RSF1: variants seen among roughly 807,000 people sequenced by gnomAD.
RSF1 encodes the protein HBV pX-associated protein 8.
RSF1 carries 13 observed loss-of-function variants against 145.2 expected under a neutral mutation model. The observed-to-expected ratio is 0.09, with a 90% CI of 0.06 to 0.14. The LOEUF is 0.14. RSF1 is among the 10% of genes least tolerant of loss of function. The pLI is 1.00. For missense variants in RSF1, 1,517 were observed against 1,718.2 expected, an observed-to-expected ratio of 0.88 and a Z score of 2.07; for synonymous variants, 577 against 592.6, an observed-to-expected ratio of 0.97 and a Z score of 0.38.
chr11:77,691,993 C>T (rs539747165), intron 8 of RSF1, among the ~76,000 whole-genome samples: 30 of 152,220 alleles, frequency 2.0e-4, no homozygotes, highest in African/African-American at 2.6e-4. Flanking sequence ...CAGGTTCAAG[C>T]GATTCTGGTG....
intron 15 of RSF1, among the ~76,000 whole-genome samples, chr11:77,671,349 A>G (rs1208483917): frequency 6.6e-6 from 1 of 150,892 alleles, no homozygotes; most frequent in Admixed American, 6.6e-5. Flanking sequence ...TCCAACTGAA[A>G]TCATAGTCAA....
At position 77,698,705 on chromosome 11, in the gene RSF1, TA is replaced by T. The variant is rs747054563; in HGVS notation, c.2509-13del. On this transcript the variant is annotated splice_polypyrimidine_tract_variant and intron_variant, in intron 6 of 15. Coordinates refer to ENST00000308488, the MANE Select transcript of RSF1 (RefSeq NM_016578.4). ...CCTTTGGGTTTTACCTTGTATAAAATAAAAAAAATTGGGATAATTTGATATA... is the reference window on the plus strand; with the variant it reads ...CCTTTGGGTTTTACCTTGTATAAAATAAAAAAATTGGGATAATTTGATATA... 1.2e-5 allele frequency: 20 copies of T among 1,605,172 alleles called. No homozygotes were observed. The highest frequency in any genetic ancestry group is 1.6e-5 in the Non-Finnish European group (19 of 1,173,580).
intron 4 of RSF1, among the ~76,000 whole-genome samples, chr11:77,732,622 G>T (rs1249616894): frequency 6.6e-6 from 1 of 152,170 alleles, no homozygotes; most frequent in African/African-American, 2.4e-5. Flanking sequence ...TTCATTTCCT[G>T]TGAGTGAATG....
intron 1 of RSF1, among the ~76,000 whole-genome samples, chr11:77,808,572 C>T (rs1328477469): frequency 8.2e-5 from 6 of 72,866 alleles, no homozygotes; most frequent in African/African-American, 2.3e-4. Flanking sequence ...CTCGCTCTGT[C>T]GCCCAGGCTG....
chr11:77,857,952 CCA>C, the RSF1 span, among the ~76,000 whole-genome samples: 2 of 152,098 alleles, frequency 1.3e-5, no homozygotes, highest in Non-Finnish European at 2.9e-5. Context: ...ACATTGGCCC[CCA>C]AAGTGCTGGG....
At chr11:77,674,914 G>A (rs938471429) in intron 14 of RSF1, 122 bp downstream of exon 14, 14 of 700,592 alleles carry the variant, frequency 2.0e-5, no homozygotes, top group Admixed American at 6.4e-5. Context: ...TAGGAGAATC[G>A]CTTGAACCCG....
intron 13 of RSF1, among the ~76,000 whole-genome samples, chr11:77,676,084 A>T (rs988338996): frequency 6.6e-6 from 1 of 152,178 alleles, no homozygotes; most frequent in Non-Finnish European, 1.5e-5. Flanking sequence ...TGTCTTGGAC[A>T]TGTGACTTCT....
the RSF1 span, among the ~76,000 whole-genome samples, chr11:77,858,302 C>CTTTTTTTT: frequency 2.3e-3 from 157 of 69,340 alleles, 2 homozygotes; most frequent in Admixed American, 3.1e-3. Context: ...TTAAGCAATT[C>CTTTTTTTT]TTTTTTTTTT....
At chr11:77,797,102 T>A (rs917501979) in intron 1 of RSF1, among the ~76,000 whole-genome samples, 1 of 152,228 alleles carries the variant, frequency 6.6e-6, no homozygotes, top group African/African-American at 2.4e-5. Context: ...ATTTATAGAT[T>A]CAATGCTATC....
At chr11:77,832,587 A>G in the RSF1 span, among the ~76,000 whole-genome samples, 1 of 151,910 alleles carries the variant, frequency 6.6e-6, no homozygotes, top group African/African-American at 2.4e-5. Flanking sequence ...CAGCCTCCCA[A>G]AGTACTGGGA....
the RSF1 span, among the ~76,000 whole-genome samples, chr11:77,860,425 C>T: frequency 6.6e-6 from 1 of 152,190 alleles, no homozygotes; most frequent in African/African-American, 2.4e-5. Context: ...GGCCCTGGTG[C>T]CTTAGGATAA....
chr11:77,765,888 C>CCCAAGTAG (rs1948220310), intron 1 of RSF1, among the ~76,000 whole-genome samples: 1 of 152,162 alleles, frequency 6.6e-6, no homozygotes, highest in Non-Finnish European at 1.5e-5. Context: ...GCTGGAATTA[C>CCCAAGTAG]AGGTGCCCAC....
the RSF1 span, among the ~76,000 whole-genome samples, chr11:77,827,853 G>GT: frequency 6.6e-6 from 1 of 152,172 alleles, no homozygotes; most frequent in Non-Finnish European, 1.5e-5. Context: ...TACTGATCTT[G>GT]TATGTAGGAA....
At chr11:77,747,580 A>C (rs1285456531) in intron 2 of RSF1, among the ~76,000 whole-genome samples, 2 of 152,216 alleles carry the variant, frequency 1.3e-5, no homozygotes, top group Non-Finnish European at 2.9e-5. Context: ...TTTAGGAGTA[A>C]AGTTAAAATT....
chr11:77,718,640 A>G (rs1219572600), intron 5 of RSF1, among the ~76,000 whole-genome samples: 1 of 152,232 alleles, frequency 6.6e-6, no homozygotes, highest in Non-Finnish European at 1.5e-5. Context: ...CATTACAGGA[A>G]TGGTGCTCTT....
At chr11:77,719,341 T>C (rs964000651) in intron 5 of RSF1, among the ~76,000 whole-genome samples, 4 of 152,178 alleles carry the variant, frequency 2.6e-5, no homozygotes, top group Non-Finnish European at 2.9e-5. Flanking sequence ...TATTCCAAAA[T>C]TGATAAAGAC....
chr11:77,802,148 C>T (rs1290492734), intron 1 of RSF1, among the ~76,000 whole-genome samples: 2 of 152,212 alleles, frequency 1.3e-5, no homozygotes, highest in African/African-American at 2.4e-5. Flanking sequence ...TCTGGCTGCT[C>T]GTTTATAACC....
At chr11:77,844,517 C>A in the RSF1 span, among the ~76,000 whole-genome samples, 1 of 152,064 alleles carries the variant, frequency 6.6e-6, no homozygotes, top group African/African-American at 2.4e-5. Flanking sequence ...CATGCAATCA[C>A]ACCTGGCTTA....
chr11:77,843,027 T>A, the RSF1 span, among the ~76,000 whole-genome samples: 1 of 152,198 alleles, frequency 6.6e-6, no homozygotes, highest in African/African-American at 2.4e-5. Context: ...CATTCAGATA[T>A]CTTAGGTGTG....
Sources: gnomAD v4.1 joint callset for allele counts (sites outside exome capture counted in the v4.1 genomes callset) on GRCh38, gnomAD v4.1.1 for gene constraint, MANE v1.5 for transcripts, NCBI Gene and HGNC (gene_info 2026-07-23, HGNC 2026-07-21) for gene names.